MAP2K3: variants seen among roughly 807,000 people sequenced by gnomAD.
MAP2K3 encodes dual specificity mitogen-activated protein kinase kinase 3.
Under a neutral mutation model 46.4 loss-of-function variants are expected in MAP2K3, and 30 were observed. The observed-to-expected ratio is 0.65, with a 90% CI of 0.48 to 0.88. The LOEUF (loss-of-function observed/expected upper bound fraction) is 0.88. Ranked by LOEUF, MAP2K3 falls within the 40% of genes least tolerant of loss-of-function variation. The pLI is 0.00. For synonymous variants in MAP2K3, 189 were observed against 176.3 expected (o/e 1.07, Z -0.57); for missense variants, 380 against 464.5 (o/e 0.82, Z 1.67).
At chr17:21,295,333 T>C (rs1373107238) in intron 1 of MAP2K3, among the ~76,000 whole-genome samples, 2 of 152,304 alleles carry the variant, frequency 1.3e-5, no homozygotes, top group Non-Finnish European at 2.9e-5. Context: ...TGAATTCTGG[T>C]CAGTTTCAGT....
At chr17:21,298,687 G>T (rs1180486304) in intron 2 of MAP2K3, among the ~76,000 whole-genome samples, 191 bp from the exon 3 acceptor site, 1 of 152,310 alleles carries the variant, frequency 6.6e-6, no homozygotes, top group Admixed American at 6.5e-5. Context: ...CCCTGTCTTG[G>T]AGGCTCGATG....
At chr17:21,300,214 A>T (rs935273014) in intron 3 of MAP2K3, among the ~76,000 whole-genome samples, 5 of 152,310 alleles carry the variant, frequency 3.3e-5, no homozygotes, top group Non-Finnish European at 7.3e-5. Context: ...TGAATGAGTG[A>T]CTCATTCTAG....
intron 9 of MAP2K3, among the ~76,000 whole-genome samples, chr17:21,306,854 C>T (rs1976912257): frequency 6.6e-6 from 1 of 152,298 alleles, no homozygotes; most frequent in Non-Finnish European, 1.5e-5. Flanking sequence ...GGTATCATCG[C>T]AGCTCACTGC....
intron 1 of MAP2K3, among the ~76,000 whole-genome samples, chr17:21,291,204 A>G (rs1468950534): frequency 1.3e-5 from 2 of 152,294 alleles, no homozygotes; most frequent in South Asian, 2.1e-4. Flanking sequence ...GGATCGCACC[A>G]CTGCACTCCA....
At chr17:21,294,979 G>T (rs1021108455) in intron 1 of MAP2K3, among the ~76,000 whole-genome samples, 67 of 152,288 alleles carry the variant, frequency 4.4e-4, no homozygotes, top group Admixed American at 3.3e-4. Context: ...ACTGCAGAAC[G>T]GCCACCTGTG....
At chr17:21,293,525 T>C (rs1976064660) in intron 1 of MAP2K3, among the ~76,000 whole-genome samples, 1 of 152,312 alleles carries the variant, frequency 6.6e-6, no homozygotes, top group Non-Finnish European at 1.5e-5. Flanking sequence ...CGAGCCATGC[T>C]GGTCCGGAGC....
chr17:21,299,333 G>C (rs1213042146), intron 3 of MAP2K3, among the ~76,000 whole-genome samples: 1 of 152,312 alleles, frequency 6.6e-6, no homozygotes, highest in African/African-American at 2.4e-5. Flanking sequence ...AAGGGCACTA[G>C]CCATTCAGAA....
chr17:21,304,824 G>A (rs113783047), intron 8 of MAP2K3, among the ~76,000 whole-genome samples: 19,556 of 142,890 alleles, frequency 0.14, no homozygotes, highest in Middle Eastern at 0.17. Flanking sequence ...GTCCCGCCCC[G>A]CCCTCATTGT....
Position 21,303,035 on chromosome 17 carries a change from G to A in MAP2K3, c.517-148G>A, listed in dbSNP as rs568370056. The A allele has an allele frequency of 8.3e-4, 851 of 1,027,266 alleles. No individual in the cohort carries two copies. The South Asian group carries it at 0.012, about 15-fold the overall frequency. 63.6% of individuals were successfully genotyped at this position (1,027,266 alleles called of 1,614,324 possible). On this transcript the variant is annotated intron_variant, in intron 6 of 11. Coordinates refer to ENST00000342679, the MANE Select transcript of MAP2K3 (RefSeq NM_145109.3). ...ATGCTGGGGCAAATGCCAGGACAGG[G>A]CAGGAGGCTGGGATGAGAGGGTGCG... is the stretch of plus-strand genomic sequence containing the variant.
chr17:21,303,696 G>GC (rs1464620044), intron 7 of MAP2K3, among the ~76,000 whole-genome samples: 87 of 152,378 alleles, frequency 5.7e-4, no homozygotes, highest in Non-Finnish European at 1.1e-3. Context: ...CATCAGCCTC[G>GC]CTTGATGTTT....
intron 9 of MAP2K3, among the ~76,000 whole-genome samples, chr17:21,308,449 T>C (rs1977007268): frequency 6.6e-6 from 1 of 152,298 alleles, no homozygotes. Context: ...CGCCCAGCCT[T>C]GAGCCACTGC....
At position 21,314,575 on chromosome 17, in the gene MAP2K3, G is replaced by GCCA. The variant is rs1977320815; in HGVS notation, c.*348_*350dup. The GCCA allele has an allele frequency of 3.3e-6, 1 of 306,082 alleles. No individual in the cohort carries two copies. The highest frequency in any genetic ancestry group is 2.2e-5 in the African/African-American group (1 of 46,206). 19.0% of individuals were successfully genotyped at this position (306,082 alleles called of 1,614,324 possible). ...AGGCTGCCAGTGCCTGGGTGGATGG[G>GCCA]CCACCGCCTTGCCCAGCCTGGATGC... On this transcript the variant is annotated 3_prime_UTR_variant, in exon 12 of 12. Transcript: ENST00000342679.
At chr17:21,296,342 CAG>C (rs570798077) in intron 1 of MAP2K3, 1,250 of 492,174 alleles carry the variant, frequency 2.5e-3, no homozygotes, top group African/African-American at 0.023. Flanking sequence ...CTCAGAAGTT[CAG>C]AGACTTTGGC....
Position 21,302,247 on chromosome 17 carries a change from G to A in MAP2K3, c.504G>A (p.Glu168=). ...CAATTCCAGAGGACATCCTTGGGGA[G>A]ATTGCTGTGTCTGTGAGTGGCCTGG... ...NMTIPEDILG[E]IAVSIVRALE... Residue 168 remains glutamate (E), a synonymous_variant, in exon 6 of 12, where the codon GAG becomes GAA. Transcript: ENST00000342679. The A allele has an allele frequency of 2.6e-6, 4 of 1,562,496 alleles. No individual in the cohort carries two copies. The highest frequency in any genetic ancestry group is 1.7e-5 in the Admixed American group (1 of 58,466).
At chr17:21,309,287 TCAGCGAGTCACAGGC>T (rs1430147098) in intron 9 of MAP2K3, among the ~76,000 whole-genome samples, 1 of 152,304 alleles carries the variant, frequency 6.6e-6, no homozygotes, top group Non-Finnish European at 1.5e-5. Context: ...ATTGTGTTGG[TCAGCGAGTCACAGGC>T]CAGCCCAGGT....
intron 4 of MAP2K3, 89 bp downstream of exon 4, chr17:21,300,747 T>C (rs1976549300): frequency 6.2e-7 from 1 of 1,604,712 alleles, no homozygotes; most frequent in Non-Finnish European, 8.5e-7. Flanking sequence ...CTCTCAGTGA[T>C]CAGTACCGAG....
intron 1 of MAP2K3, among the ~76,000 whole-genome samples, chr17:21,286,975 T>C (rs1042179743): frequency 6.6e-6 from 1 of 152,232 alleles, no homozygotes. Flanking sequence ...ATGCATTTTC[T>C]CATTTATTCC....
chr17:21,301,407 G>T (rs1338000795), intron 5 of MAP2K3, among the ~76,000 whole-genome samples: 1 of 152,312 alleles, frequency 6.6e-6, no homozygotes, highest in Non-Finnish European at 1.5e-5. Context: ...TGGGGTGTGT[G>T]CTGAGAGAGT....
chr17:21,289,678 A>G (rs957874237), intron 1 of MAP2K3, among the ~76,000 whole-genome samples: 2 of 152,162 alleles, frequency 1.3e-5, no homozygotes, highest in African/African-American at 4.8e-5. Flanking sequence ...GGCCCTGGAA[A>G]CCTCAAACAG....
Sources: gnomAD v4.1 joint callset for allele counts (sites outside exome capture counted in the v4.1 genomes callset) on GRCh38, gnomAD v4.1.1 for gene constraint, MANE v1.5 for transcripts, NCBI Gene and HGNC (gene_info 2026-07-23, HGNC 2026-07-21) for gene names.